EPHB2: variants seen among roughly 807,000 people sequenced by gnomAD.
The protein encoded by EPHB2 is ephrin type-B receptor 2.
EPHB2 carries 18 observed loss-of-function variants against 96.4 expected under a neutral mutation model. The observed-to-expected ratio is 0.19, with a 90% CI of 0.13 to 0.28. EPHB2 has a LOEUF of 0.28. EPHB2 is among the 10% of genes least tolerant of loss of function. The probability of loss-of-function intolerance (pLI) is 1.00; values close to 1 mark genes in which losing one functional copy is unlikely to be tolerated. For missense variants in EPHB2, 989 were observed against 1,355.4 expected, an observed-to-expected ratio of 0.73 and a Z score of 4.25; for synonymous variants, 506 against 534.1, an observed-to-expected ratio of 0.95 and a Z score of 0.72.
intron 3 of EPHB2, among the ~76,000 whole-genome samples, chr1:22,808,859 C>A (rs1477127108): frequency 6.6e-6 from 1 of 152,234 alleles, no homozygotes; most frequent in Non-Finnish European, 1.5e-5. Flanking sequence ...GAACCTCACT[C>A]CAGAGTCATG....
chr1:22,810,664 G>A (rs1644990343), intron 3 of EPHB2, among the ~76,000 whole-genome samples: 2 of 152,154 alleles, frequency 1.3e-5, no homozygotes, highest in African/African-American at 2.4e-5. Flanking sequence ...ATGACAAGGG[G>A]CACATTCAGG....
chr1:22,900,691 G>C (rs759686474), intron 9 of EPHB2, among the ~76,000 whole-genome samples: 1 of 152,168 alleles, frequency 6.6e-6, no homozygotes. Flanking sequence ...TTTTAAGAGA[G>C]ACCCCAGGGT....
At chr1:22,758,044 G>A (rs962178755) in intron 1 of EPHB2, among the ~76,000 whole-genome samples, 12 of 142,732 alleles carry the variant, frequency 8.4e-5, no homozygotes, top group South Asian at 4.6e-4. Flanking sequence ...TCAGCCTCCC[G>A]AGTAGCTGGG....
At chr1:22,776,090 T>C (rs1360294771) in intron 1 of EPHB2, among the ~76,000 whole-genome samples, 1 of 152,194 alleles carries the variant, frequency 6.6e-6, no homozygotes, top group African/African-American at 2.4e-5. Context: ...GGCCCTGTCC[T>C]GTGCTACCTG....
At chr1:22,773,731 T>C (rs1644409736) in intron 1 of EPHB2, among the ~76,000 whole-genome samples, 1 of 152,154 alleles carries the variant, frequency 6.6e-6, no homozygotes, top group Non-Finnish European at 1.5e-5. Context: ...AGCCCCACAT[T>C]TGAGAGGCCC....
intron 4 of EPHB2, 26 bp downstream of exon 4, chr1:22,863,218 G>A (rs1275900906): frequency 7.4e-6 from 12 of 1,613,958 alleles, no homozygotes; most frequent in South Asian, 4.4e-5. Context: ...CCTCAAGGGC[G>A]ATGGCTGGCC....
intron 1 of EPHB2, among the ~76,000 whole-genome samples, chr1:22,767,454 T>C (rs1249108826): frequency 6.6e-6 from 1 of 152,232 alleles, no homozygotes; most frequent in Non-Finnish European, 1.5e-5. Context: ...TCTTGCCTGC[T>C]TACTTGTTCT....
chr1:22,873,973 G>A lies in EPHB2; in HGVS notation c.1304-8386G>A, dbSNP rs192301678. Among the ~76,000 whole-genome samples, 335 of 152,286 alleles carry A rather than the reference G, an allele frequency of 2.2e-3. 6 individuals are homozygous for A. The highest frequency in any genetic ancestry group is 0.018 in the Admixed American group (271 of 15,286). ...AAAAGAGAGAATGGATAGTTGTAGCGTCTGCCACATCCCATTTTACAGGTA... is the reference window on the plus strand; with the variant it reads ...AAAAGAGAGAATGGATAGTTGTAGCATCTGCCACATCCCATTTTACAGGTA... On this transcript the variant is annotated intron_variant, in intron 5 of 15. Coordinates refer to ENST00000374630, the MANE Select transcript of EPHB2 (RefSeq NM_017449.5).
chr1:22,841,865 A>G (rs1032007741), intron 3 of EPHB2, among the ~76,000 whole-genome samples: 2 of 152,192 alleles, frequency 1.3e-5, no homozygotes, highest in Non-Finnish European at 2.9e-5. Context: ...TGCGGGGTAC[A>G]GACAGTGTAA....
intron 9 of EPHB2, among the ~76,000 whole-genome samples, chr1:22,899,471 A>G (rs1419647024): frequency 1.3e-5 from 2 of 152,160 alleles, no homozygotes; most frequent in African/African-American, 2.4e-5. Flanking sequence ...ATTGCACTCC[A>G]GCCTAGGCAA....
intron 3 of EPHB2, among the ~76,000 whole-genome samples, chr1:22,795,123 C>T (rs1158385945): frequency 6.6e-6 from 1 of 152,182 alleles, no homozygotes; most frequent in Non-Finnish European, 1.5e-5. Context: ...CCTCACTCCC[C>T]CCACCCTAAG....
intron 3 of EPHB2, among the ~76,000 whole-genome samples, chr1:22,852,226 G>T (rs16827666): frequency 0.025 from 3,816 of 152,298 alleles, 135 homozygotes; most frequent in African/African-American, 0.086. Context: ...ATGGGAGAGG[G>T]TTACCCTGTA....
intron 3 of EPHB2, among the ~76,000 whole-genome samples, chr1:22,813,408 G>C (rs1645029781): frequency 6.6e-6 from 1 of 152,198 alleles, no homozygotes; most frequent in Non-Finnish European, 1.5e-5. Flanking sequence ...GTGAAGTTGG[G>C]CATCTGAGAT....
intron 15 of EPHB2, 142 bp downstream of exon 15, chr1:22,912,741 T>C (rs1203629212): frequency 2.4e-6 from 3 of 1,244,782 alleles, no homozygotes; most frequent in African/African-American, 3.0e-5. Context: ...TGGCCAACTT[T>C]GGAGTCACCT....
At chr1:22,822,414 G>C (rs866603600) in intron 3 of EPHB2, among the ~76,000 whole-genome samples, 1 of 152,148 alleles carries the variant, frequency 6.6e-6, no homozygotes, top group African/African-American at 2.4e-5. Flanking sequence ...GAAAACAAAA[G>C]TGGCAATGTT....
intron 1 of EPHB2, among the ~76,000 whole-genome samples, chr1:22,722,280 A>G (rs1281052613): frequency 6.6e-6 from 1 of 152,144 alleles, no homozygotes; most frequent in African/African-American, 2.4e-5. Context: ...TACAGACGTG[A>G]GCCACCATGC....
chr1:22,727,811 CT>C (rs34446692), intron 1 of EPHB2, among the ~76,000 whole-genome samples: 44 of 135,826 alleles, frequency 3.2e-4, no homozygotes, highest in African/African-American at 1.1e-3. Flanking sequence ...AAAAAAAAAA[CT>C]TTTTTTTTTA....
At chr1:22,749,128 C>G (rs1348960793) in intron 1 of EPHB2, among the ~76,000 whole-genome samples, 1 of 151,718 alleles carries the variant, frequency 6.6e-6, no homozygotes, top group Non-Finnish European at 1.5e-5. Context: ...TCAAGTGATC[C>G]TCATGCCTCA....
At chr1:22,740,585 G>C (rs899477563) in intron 1 of EPHB2, among the ~76,000 whole-genome samples, 2 of 152,194 alleles carry the variant, frequency 1.3e-5, no homozygotes, top group African/African-American at 4.8e-5. Flanking sequence ...AGTGCCATCT[G>C]GGGGACACCA....
Sources: allele counts gnomAD v4.1 joint callset (sites outside exome capture counted in the v4.1 genomes callset), GRCh38; gene constraint gnomAD v4.1.1; transcripts MANE v1.5; gene names NCBI Gene and HGNC (gene_info 2026-07-23, HGNC 2026-07-21).